The following PGM1 variants were observed in gnomAD, a reference collection of about 807,000 sequenced individuals.
PGM1 encodes the protein phosphoglucomutase-1.
PGM1 carries 52 observed loss-of-function variants against 55.6 expected under a neutral mutation model. The ratio of observed to expected loss-of-function variants is 0.94; its 90% CI spans 0.75 to 1.18. PGM1 has a LOEUF of 1.18. Ranked by LOEUF, PGM1 falls within the 50% of genes most tolerant of loss-of-function variation. The pLI, the probability that PGM1 is intolerant of heterozygous loss-of-function variation, is 0.00. For synonymous variants in PGM1, 287 were observed against 271.7 expected (o/e 1.06, Z -0.55); for missense variants, 724 against 729.3 (o/e 0.99, Z 0.08).
chr1:63,654,954 A>G lies in PGM1; in HGVS notation c.1599+488A>G, dbSNP rs375550497. ...TAATAGGTTTACATGCCTAGTAAGG[A>G]TAATGAATCTCTCTTTTTTTTTTTT... On this transcript the variant is annotated intron_variant, in intron 10 of 10. Coordinates refer to ENST00000371084, the MANE Select transcript of PGM1 (RefSeq NM_002633.3). Among the ~76,000 whole-genome samples, 28 of 150,766 alleles carry G rather than the reference A, an allele frequency of 1.9e-4. No homozygotes were observed. In the East Asian group the frequency reaches 2.7e-3, roughly 15 times the overall value.
rs146477640 is a variant in PGM1, at chr1:63,593,595, C to T, written c.107C>T (p.Ala36Val). 4.3e-6 allele frequency: 7 copies of T among 1,613,496 alleles called. No homozygotes were observed. The highest frequency in any genetic ancestry group is 5.9e-6 in the Non-Finnish European group (7 of 1,179,892). The change falls in exon 1 of 11, where the codon GCG becomes GTG. Residue 36 changes from alanine to valine, a missense_variant. This residue lies in a region of PGM1 where 379 missense variants were observed against 357.5 expected (regional missense o/e 1.06). Transcript: ENST00000371084. Reference protein sequence around the residue: ...VKVFQSSANYAENFIQSIIST... With the variant: ...VKVFQSSANYVENFIQSIIST... ...GTGTTCCAGAGCAGCGCCAACTACG[C>T]GGAGAACTTCATCCAGAGTATCATC...
At chr1:63,613,291 G>A (rs1399355836) in intron 1 of PGM1, among the ~76,000 whole-genome samples, 1 of 118,260 alleles carries the variant, frequency 8.5e-6, no homozygotes, top group East Asian at 2.4e-4. Context: ...TAAGCACTTA[G>A]CAGTTTCCTA....
intron 1 of PGM1, among the ~76,000 whole-genome samples, chr1:63,604,959 G>GTGTGTGTGTGTATT (rs58900430): frequency 7.4e-6 from 1 of 134,236 alleles, no homozygotes; most frequent in African/African-American, 3.1e-5. Context: ...GTGTGTGTGT[G>GTGTGTGTGTGTATT]TAAAGAGAGG....
intron 7 of PGM1, among the ~76,000 whole-genome samples, chr1:63,645,353 T>A (rs188240148): frequency 6.6e-6 from 1 of 152,100 alleles, no homozygotes; most frequent in Non-Finnish European, 1.5e-5. Flanking sequence ...CTGCCTTCTA[T>A]GCTTTCAGTC....
Position 63,593,443 on chromosome 1 carries a change from C to T in PGM1, c.-46C>T. On this transcript the variant is annotated 5_prime_UTR_variant, in exon 1 of 11. Transcript: ENST00000371084. ...CTGCAGCCTCAGCCGGCCGCCCCTCCGCCAGCCAAGTCCGCCGCTCTGACC... is the reference window on the plus strand; with the variant it reads ...CTGCAGCCTCAGCCGGCCGCCCCTCTGCCAGCCAAGTCCGCCGCTCTGACC... 1 of 1,611,662 alleles carries T rather than the reference C, an allele frequency of 6.2e-7. No individual in the cohort carries two copies.
chr1:63,612,137 A>G (rs866302535), intron 1 of PGM1, among the ~76,000 whole-genome samples: 2 of 149,722 alleles, frequency 1.3e-5, no homozygotes, highest in South Asian at 4.3e-4. Context: ...CGTGCCTGTA[A>G]TCCCAGCTAC....
At chr1:63,654,527 T>A in intron 10 of PGM1, 61 bp downstream of exon 10, 5 of 1,575,246 alleles carry the variant, frequency 3.2e-6, no homozygotes, top group Non-Finnish European at 4.4e-6. Flanking sequence ...TAGTTTCCCA[T>A]TGAGCCTGTG....
At chr1:63,605,562 T>G (rs1648396413) in intron 1 of PGM1, among the ~76,000 whole-genome samples, 1 of 151,936 alleles carries the variant, frequency 6.6e-6, no homozygotes. Flanking sequence ...TGGGGAATAT[T>G]TTATTTATTA....
chr1:63,656,771 T>TA (rs970133351), intron 10 of PGM1, among the ~76,000 whole-genome samples: 1 of 152,026 alleles, frequency 6.6e-6, no homozygotes, highest in African/African-American at 2.4e-5. Flanking sequence ...ATGTGGGATC[T>TA]AAAAAAAGTG....
At position 63,593,500 on chromosome 1, in the gene PGM1, C is replaced by G; in HGVS notation, c.12C>G (p.Ile4Met). The change falls in exon 1 of 11, where the codon ATC (isoleucine) becomes ATG (methionine). Residue 4 changes from isoleucine (I) to methionine (M), a missense_variant. By Grantham distance (10) the Ile-to-Met change is conservative. This residue lies in a region of PGM1 where 379 missense variants were observed against 357.5 expected (regional missense o/e 1.06). Transcript: ENST00000371084. MVK[I>M]VTVKTQAYQD... ...AGCAAGTCGCCACCATGGTGAAGAT[C>G]GTGACAGTTAAGACCCAGGCGTACC... is the stretch of plus-strand genomic sequence containing the variant. 1.2e-6 allele frequency: 2 copies of G among 1,613,764 alleles called. No homozygotes were observed. Among genetic ancestry groups the G allele is most frequent in the Admixed American group, 1.7e-5 (1 of 60,022 alleles).
At chr1:63,605,895 C>A (rs1648404786) in intron 1 of PGM1, among the ~76,000 whole-genome samples, 1 of 152,188 alleles carries the variant, frequency 6.6e-6, no homozygotes, top group Non-Finnish European at 1.5e-5. Flanking sequence ...TAGACACAGC[C>A]TTCTCTGCTA....
rs1346155937 is a variant in PGM1, at chr1:63,593,538, C to T, written c.50C>T (p.Pro17Leu). Residue 17 changes from proline (P) to leucine (L), a missense_variant, in exon 1 of 11, where the codon CCG (proline) becomes CTG (leucine). This residue lies in a region of PGM1 where 379 missense variants were observed against 357.5 expected (regional missense o/e 1.06). Transcript: ENST00000371084. ...VKTQAYQDQK[P>L]GTSGLRKRVK... ...ACCCAGGCGTACCAGGACCAGAAGC[C>T]GGGCACGAGCGGGCTGCGGAAGCGG... 1.9e-6 allele frequency: 3 copies of T among 1,613,776 alleles called. No individual in the cohort carries two copies. The highest frequency in any genetic ancestry group is 1.7e-5 in the Admixed American group (1 of 60,002).
At chr1:63,622,886 A>C (rs536272362) in intron 1 of PGM1, among the ~76,000 whole-genome samples, 1 of 152,346 alleles carries the variant, frequency 6.6e-6, no homozygotes, top group Non-Finnish European at 1.5e-5. Flanking sequence ...TTCCATTTTA[A>C]GATTGACCTT....
At chr1:63,654,137 A>G (rs1044897941) in intron 9 of PGM1, among the ~76,000 whole-genome samples, 195 bp from the exon 10 acceptor site, 3 of 152,178 alleles carry the variant, frequency 2.0e-5, no homozygotes. Context: ...CACCGTAGCT[A>G]AGCCCCCATC....
rs370458765 is a variant in PGM1 at position 63,597,245 on chromosome 1, TG to T, written c.246+3514del. Among the ~76,000 whole-genome samples the T allele has an allele frequency of 3.5e-4, 53 of 152,092 alleles. No individual in the cohort carries two copies. The East Asian group carries it at 8.5e-3, about 24-fold the overall frequency. ...AAAGAATGACTTGGAGTTCCCAGAG[TG>T]GGTTTGTCTGGTAGGAGGAATTCTT... On this transcript the variant is annotated intron_variant, in intron 1 of 10. Transcript: ENST00000371084.
intron 1 of PGM1, among the ~76,000 whole-genome samples, chr1:63,597,416 T>C (rs915967359): frequency 8.5e-5 from 13 of 152,206 alleles, no homozygotes; most frequent in Admixed American, 6.5e-5. Context: ...TATTTACAAG[T>C]ACCTCACTTG....
intron 1 of PGM1, among the ~76,000 whole-genome samples, chr1:63,615,263 A>G (rs1648677655): frequency 6.6e-6 from 1 of 152,206 alleles, no homozygotes; most frequent in Non-Finnish European, 1.5e-5. Context: ...TTTGGATAAC[A>G]TTTATTGAGT....
intron 1 of PGM1, among the ~76,000 whole-genome samples, chr1:63,604,938 T>C (rs909494356): frequency 1.4e-5 from 2 of 144,168 alleles, no homozygotes; most frequent in South Asian, 4.7e-4. Flanking sequence ...TGTGTGTGTG[T>C]GTGTGTGTGT....
chr1:63,612,721 T>G (rs1648603314), intron 1 of PGM1, among the ~76,000 whole-genome samples: 3 of 152,246 alleles, frequency 2.0e-5, no homozygotes, highest in Admixed American at 2.0e-4. Flanking sequence ...CCTTCACTAT[T>G]GCAGTTTCTA....
Sources: gnomAD v4.1 joint callset for allele counts (sites outside exome capture counted in the v4.1 genomes callset) on GRCh38, gnomAD v4.1.1 for gene constraint, gnomAD v4.1.1 regional missense constraint, MANE v1.5 for transcripts, NCBI Gene and HGNC (gene_info 2026-07-23, HGNC 2026-07-21) for gene names.